Variants in CPAP observed in about 807,000 individuals in gnomAD.
CPAP encodes the protein centrosome assembly and centriole elongation protein, also known as centrosomal P4.1-associated protein.
At chr13:24,883,169 G>A in the CPAP span, 4 of 1,611,800 alleles carry the variant, frequency 2.5e-6, no homozygotes. Context: ...ATGATCACAT[G>A]AGGATCGTCA....
chr13:24,920,990 T>C, the CPAP span, among the ~76,000 whole-genome samples: 1 of 152,082 alleles, frequency 6.6e-6, no homozygotes, highest in African/African-American at 2.4e-5. Context: ...AAATGGCATA[T>C]TGGTCGTTAT....
At chr13:24,919,481 A>G in the CPAP span, among the ~76,000 whole-genome samples, 2 of 151,738 alleles carry the variant, frequency 1.3e-5, no homozygotes, top group African/African-American at 4.9e-5. Flanking sequence ...GTGCAGTGGC[A>G]TGATCACGGC....
the CPAP span, chr13:24,884,058 T>G: frequency 1.9e-6 from 3 of 1,613,756 alleles, no homozygotes; most frequent in Admixed American, 5.0e-5. Flanking sequence ...ACGTGATTTC[T>G]TTTCTTCCAT....
At chr13:24,894,794 A>G in the CPAP span, among the ~76,000 whole-genome samples, 7 of 151,990 alleles carry the variant, frequency 4.6e-5, no homozygotes, top group East Asian at 1.4e-3. Context: ...TCGGGGTGCA[A>G]AGGGAGGGAG....
At chr13:24,909,537 A>G in the CPAP span, among the ~76,000 whole-genome samples, 2 of 150,998 alleles carry the variant, frequency 1.3e-5, no homozygotes, top group Non-Finnish European at 3.0e-5. Flanking sequence ...AAAAAAAAAA[A>G]CACGCCACAG....
At chr13:24,905,194 T>C in the CPAP span, 1 of 735,034 alleles carries the variant, frequency 1.4e-6, no homozygotes, top group African/African-American at 1.8e-5. Context: ...TATAGACCCA[T>C]AAAATAAATC....
chr13:24,882,418 C>T, the CPAP span: 2 of 151,926 alleles, frequency 1.3e-5, no homozygotes, highest in Non-Finnish European at 2.9e-5. Flanking sequence ...TATAAATTTA[C>T]AAGTAAGTAA....
At chr13:24,899,417 AC>A in the CPAP span, 1 of 1,606,668 alleles carries the variant, frequency 6.2e-7, no homozygotes, top group African/African-American at 1.3e-5. Context: ...GAACTAGCAT[AC>A]CTGTATTTCT....
At chr13:24,923,240 TTTTG>T in the CPAP span, among the ~76,000 whole-genome samples, 1 of 125,592 alleles carries the variant, frequency 8.0e-6, no homozygotes, top group Non-Finnish European at 1.6e-5. Context: ...GTGTTTTGGG[TTTTG>T]TTTTTTTTTT....
chr13:24,911,851 A>T, the CPAP span: 2 of 1,484,612 alleles, frequency 1.3e-6, no homozygotes, highest in Non-Finnish European at 1.9e-6. Flanking sequence ...ACTGGAGTTC[A>T]CAACACATGA....
chr13:24,924,678 T>G, the CPAP span: 1 of 152,238 alleles, frequency 6.6e-6, no homozygotes, highest in African/African-American at 2.4e-5. Context: ...CTAACGGTTG[T>G]GGCACAGGGG....
chr13:24,883,460 T>C, the CPAP span: 1 of 952,392 alleles, frequency 1.0e-6, no homozygotes, highest in Non-Finnish European at 1.6e-6. Flanking sequence ...CTTTTGAGTC[T>C]GGCAGCTACT....
the CPAP span, chr13:24,925,794 A>T: frequency 6.5e-6 from 1 of 152,676 alleles, no homozygotes; most frequent in Admixed American, 6.5e-5. Context: ...GAGGGCAAGG[A>T]GTAGGTACCA....
the CPAP span, among the ~76,000 whole-genome samples, chr13:24,895,473 G>C: frequency 0.83 from 127,031 of 152,178 alleles, 53,073 homozygotes; most frequent in South Asian, 0.88. Context: ...AGCTACTGGG[G>C]AGGCTGAGGC....
chr13:24,894,552 G>C, the CPAP span, among the ~76,000 whole-genome samples: 1 of 152,256 alleles, frequency 6.6e-6, no homozygotes, highest in Admixed American at 6.5e-5. Context: ...CAGCTGGTGA[G>C]ATTTGGAGAT....
chr13:24,894,807 G>T, the CPAP span, among the ~76,000 whole-genome samples: 19 of 152,182 alleles, frequency 1.2e-4, no homozygotes, highest in East Asian at 3.7e-3. Flanking sequence ...GGAGGGAGAG[G>T]CCGCAGCCAG....
the CPAP span, among the ~76,000 whole-genome samples, chr13:24,925,497 A>G: frequency 1.7e-3 from 261 of 152,288 alleles, 1 homozygote; most frequent in Non-Finnish European, 3.3e-3. Flanking sequence ...GTAGCCCTAC[A>G]TACTTGGGAG....
chr13:24,915,369 G>A, the CPAP span, among the ~76,000 whole-genome samples: 1 of 152,126 alleles, frequency 6.6e-6, no homozygotes, highest in Non-Finnish European at 1.5e-5. Flanking sequence ...AGAGACACTG[G>A]GTCAGCAGCT....
At chr13:24,905,494 T>C in the CPAP span, 9 of 1,614,112 alleles carry the variant, frequency 5.6e-6, no homozygotes, top group Non-Finnish European at 7.6e-6. Flanking sequence ...TCAAGTCTTC[T>C]CCCCTCTTGA....
Sources: gnomAD v4.1 joint callset for allele counts (sites outside exome capture counted in the v4.1 genomes callset) on GRCh38, gnomAD v4.1.1 for gene constraint, MANE v1.5 for transcripts, NCBI Gene and HGNC (gene_info 2026-07-23, HGNC 2026-07-21) for gene names.